TNS3: variants seen among roughly 807,000 people sequenced by gnomAD.
The protein encoded by TNS3 is tensin 3.
In TNS3, 45 loss-of-function variants were observed where a neutral mutation model predicts 140.9. The ratio of observed to expected loss-of-function variants is 0.32; its 90% CI spans 0.25 to 0.41. The LOEUF is 0.41. TNS3 is among the 10% of genes least tolerant of loss of function. The pLI, the probability that TNS3 is intolerant of heterozygous loss-of-function variation, is 1.00. For missense variants in TNS3, 1,716 were observed against 1,906.7 expected, an observed-to-expected ratio of 0.90 and a Z score of 1.86; for synonymous variants, 815 against 788.4, an observed-to-expected ratio of 1.03 and a Z score of -0.56.
At chr7:47,537,574 G>C (rs1799649153) in intron 1 of TNS3, among the ~76,000 whole-genome samples, 1 of 152,120 alleles carries the variant, frequency 6.6e-6, no homozygotes, top group African/African-American at 2.4e-5. Context: ...GCAGGGTTCA[G>C]CTTTACTAGG....
At chr7:47,524,626 C>T (rs2151927772) in intron 2 of TNS3, among the ~76,000 whole-genome samples, 1 of 149,734 alleles carries the variant, frequency 6.7e-6, no homozygotes, top group Admixed American at 6.7e-5. Context: ...CAAGGTGAAA[C>T]CCCGTCTCTA....
At chr7:47,425,765 G>C (rs776436895) in intron 9 of TNS3, among the ~76,000 whole-genome samples, 1 of 152,106 alleles carries the variant, frequency 6.6e-6, no homozygotes, top group Admixed American at 6.5e-5. Flanking sequence ...ATTAGTACTG[G>C]TTTTGTCTTT....
chr7:47,532,475 A>G (rs1212808857), intron 1 of TNS3, among the ~76,000 whole-genome samples: 1 of 151,932 alleles, frequency 6.6e-6, no homozygotes, highest in Non-Finnish European at 1.5e-5. Flanking sequence ...CTCTCTGCCG[A>G]GAGCTTCAGA....
At chr7:47,522,356 C>A (rs893969332) in intron 2 of TNS3, among the ~76,000 whole-genome samples, 3 of 152,160 alleles carry the variant, frequency 2.0e-5, no homozygotes, top group African/African-American at 7.2e-5. Context: ...ATCCCACCCA[C>A]ACCCCCAGGC....
At chr7:47,356,881 A>T (rs1204736485) in intron 17 of TNS3, among the ~76,000 whole-genome samples, 1 of 151,444 alleles carries the variant, frequency 6.6e-6, no homozygotes, top group African/African-American at 2.4e-5. Context: ...GTTCCAGACC[A>T]GCCTGGGCAA....
In TNS3 at chr7:47,525,229, C is replaced by T. The variant is rs77354428; in HGVS notation, c.-153+3807G>A. ...CTCGGAGGTGACGCTCTAGGTGTCT[C>T]GCTGCCTCCCACCGAAGCAGAACTC... On this transcript the variant is annotated intron_variant, in intron 2 of 30. Coordinates refer to ENST00000311160, the MANE Select transcript of TNS3 (RefSeq NM_022748.12). 2.4e-4 allele frequency among the ~76,000 whole-genome samples: 36 copies of T among 152,224 alleles called. No homozygotes were observed. In the East Asian group the frequency reaches 6.2e-3, roughly 26 times the overall value.
intron 3 of TNS3, among the ~76,000 whole-genome samples, chr7:47,500,906 C>T (rs1562808627): frequency 6.6e-6 from 1 of 151,928 alleles, no homozygotes; most frequent in Non-Finnish European, 1.5e-5. Flanking sequence ...ATGGTGAAAC[C>T]CCGTCTCTAC....
In TNS3 at chr7:47,400,397, A is replaced by G; in HGVS notation, c.915T>C (p.Ile305=). ...GTATTCCACCAAGCTACCCACCTTGAATCTTCTCAGGCGTGGCAGAGAAGA... is the reference window on the plus strand; with the variant it reads ...GTATTCCACCAAGCTACCCACCTTGGATCTTCTCAGGCGTGGCAGAGAAGA... The part of the protein sequence containing the change: ...ELVFSATPEK[I]QGSEHLYNDH... Residue 305 remains isoleucine (I), a synonymous_variant, in exon 15 of 31, where the codon ATT becomes ATC. Transcript: ENST00000311160. 6.2e-7 allele frequency: 1 copy of G among 1,614,170 alleles called. No homozygotes were observed. Among genetic ancestry groups the G allele is most frequent in the African/African-American group, 1.3e-5 (1 of 75,066 alleles).
At chr7:47,503,410 T>C (rs896421036) in intron 3 of TNS3, among the ~76,000 whole-genome samples, 1 of 152,026 alleles carries the variant, frequency 6.6e-6, no homozygotes, top group African/African-American at 2.4e-5. Flanking sequence ...CTACAACTGC[T>C]TCATTTCTCC....
chr7:47,380,321 C>G (rs1791676373), intron 16 of TNS3, among the ~76,000 whole-genome samples: 1 of 152,234 alleles, frequency 6.6e-6, no homozygotes, highest in African/African-American at 2.4e-5. Context: ...CCCTTTTGGG[C>G]ACTCCTAACT....
Position 47,369,237 on chromosome 7 carries a change from A to T in TNS3, c.1409T>A (p.Leu470Gln), listed in dbSNP as rs1790907228. The change falls in exon 17 of 31, where the codon CTG becomes CAG. Residue 470 changes from leucine (L) to glutamine (Q), a missense_variant. By Grantham distance (113) the Leu-to-Gln change is moderately radical. Around this residue, in one of 3 missense-constraint regions of TNS3, gnomAD observed 1,163 missense variants for 1,182.1 expected, o/e 0.98. Coordinates refer to ENST00000311160, the MANE Select transcript of TNS3 (RefSeq NM_022748.12). ...CAGAATGTCTGTCTCCCGATCCTTC[A>T]GAGCAGCGTCTCCATTCACGTGAAC... ...AQVHVNGDAA[L>Q]KDRETDILDD... The T allele has an allele frequency of 2.5e-6, 4 of 1,614,068 alleles. No homozygotes were observed. The highest frequency in any genetic ancestry group is 3.4e-6 in the Non-Finnish European group (4 of 1,180,052).
intron 16 of TNS3, among the ~76,000 whole-genome samples, chr7:47,371,584 C>G (rs564235612): frequency 5.1e-4 from 78 of 152,202 alleles, no homozygotes; most frequent in Non-Finnish European, 9.3e-4. Context: ...ATTGCTCTGA[C>G]CAGGGATCAG....
chr7:47,353,468 G>A (rs1337458621), intron 17 of TNS3, among the ~76,000 whole-genome samples: 1 of 152,176 alleles, frequency 6.6e-6, no homozygotes, highest in East Asian at 1.9e-4. Context: ...TTAGTATGAT[G>A]TTCTATCATT....
chr7:47,398,810 A>C (rs79842255), intron 15 of TNS3, among the ~76,000 whole-genome samples: 3,374 of 152,278 alleles, frequency 0.022, 58 homozygotes, highest in Non-Finnish European at 0.035. Flanking sequence ...ATAGTACTGG[A>C]ATAGTACTGC....
chr7:47,319,811 A>G (rs1329132405), intron 20 of TNS3, among the ~76,000 whole-genome samples: 1 of 152,084 alleles, frequency 6.6e-6, no homozygotes, highest in Non-Finnish European at 1.5e-5. Flanking sequence ...ACAGGCAGCT[A>G]ATGGGGGTTT....
chr7:47,439,114 T>C (rs57518323), intron 6 of TNS3, among the ~76,000 whole-genome samples: 17,750 of 152,212 alleles, frequency 0.12, 1,454 homozygotes, highest in African/African-American at 0.23. Flanking sequence ...CTTCCTAATT[T>C]CTGGCTCAGG....
At chr7:47,282,434 C>G (rs905580890) in intron 28 of TNS3, among the ~76,000 whole-genome samples, 1 of 150,898 alleles carries the variant, frequency 6.6e-6, no homozygotes, top group Non-Finnish European at 1.5e-5. Flanking sequence ...CACCATACAG[C>G]TGAGCTATGT....
chr7:47,444,135 G>T (rs1795604993), intron 4 of TNS3, among the ~76,000 whole-genome samples: 1 of 152,128 alleles, frequency 6.6e-6, no homozygotes, highest in Admixed American at 6.5e-5. Context: ...GCTTAACCAG[G>T]GTCCCATTTA....
chr7:47,339,061 T>G (rs1788793766), intron 20 of TNS3, among the ~76,000 whole-genome samples: 1 of 152,236 alleles, frequency 6.6e-6, no homozygotes, highest in South Asian at 2.1e-4. Flanking sequence ...TTGTTTGTTC[T>G]TTACTGCTGA....
Sources: gnomAD v4.1 joint callset for allele counts (sites outside exome capture counted in the v4.1 genomes callset) on GRCh38, gnomAD v4.1.1 for gene constraint, gnomAD v4.1.1 regional missense constraint, MANE v1.5 for transcripts, NCBI Gene and HGNC (gene_info 2026-07-23, HGNC 2026-07-21) for gene names.